The following PSMA1 variants were observed in gnomAD, a reference collection of about 807,000 sequenced individuals.
The protein encoded by PSMA1 is proteasome subunit alpha type-1.
Under a neutral mutation model 38.4 loss-of-function variants are expected in PSMA1, and 3 were observed. The observed-to-expected ratio is 0.08, with a 90% CI of 0.04 to 0.20. The LOEUF is 0.20. Ranked by LOEUF, PSMA1 falls within the 10% of genes least tolerant of loss-of-function variation. The pLI is 1.00. For synonymous variants in PSMA1, 101 were observed against 107.1 expected (o/e 0.94, Z 0.35); for missense variants, 227 against 325.3 (o/e 0.70, Z 2.32).
intron 2 of PSMA1, among the ~76,000 whole-genome samples, chr11:14,568,970 A>G (rs1490893981): frequency 6.6e-6 from 1 of 152,166 alleles, no homozygotes; most frequent in Non-Finnish European, 1.5e-5. Context: ...CTGGCCCATG[A>G]CACCATTTTT....
chr11:14,604,882 T>C (rs200674569), intron 2 of PSMA1, among the ~76,000 whole-genome samples: 1 of 152,212 alleles, frequency 6.6e-6, no homozygotes. Context: ...AGAACATGAG[T>C]TCATCCTTTT....
chr11:14,586,381 G>A lies in PSMA1; in HGVS notation c.21+24585C>T, dbSNP rs113308369. 6.6e-3 allele frequency among the ~76,000 whole-genome samples: 1,003 copies of A among 151,996 alleles called. 9 individuals are homozygous for A. Among genetic ancestry groups the A allele is most frequent in the African/African-American group, 0.023 (955 of 41,444 alleles). ...CGGGAGGCAGAGGCTGCAGTGAGCC[G>A]AGATCGTGCCATTGTACTCCAGCCT... On this transcript the variant is annotated intron_variant, in intron 2 of 10. Coordinates refer to the PSMA1 transcript ENST00000418988.
chr11:14,619,487 A>G (rs1852814891), intron 1 of PSMA1, among the ~76,000 whole-genome samples: 1 of 152,178 alleles, frequency 6.6e-6, no homozygotes, highest in Non-Finnish European at 1.5e-5. Flanking sequence ...GAGCTAAAAG[A>G]ATACACGAAG....
At chr11:14,629,566 T>C (rs1852970775) in intron 1 of PSMA1, among the ~76,000 whole-genome samples, 2 of 152,218 alleles carry the variant, frequency 1.3e-5, no homozygotes, top group Admixed American at 1.3e-4. Context: ...TTTTGGTTAG[T>C]GTAGCCTTGT....
intron 2 of PSMA1, among the ~76,000 whole-genome samples, chr11:14,527,403 A>G (rs976175204): frequency 6.6e-6 from 1 of 152,120 alleles, no homozygotes; most frequent in Non-Finnish European, 1.5e-5. Flanking sequence ...CTATTCTATC[A>G]TCATTTCATA....
At chr11:14,509,497 T>G (rs1363745497) in intron 8 of PSMA1, among the ~76,000 whole-genome samples, 9 of 151,700 alleles carry the variant, frequency 5.9e-5, no homozygotes, top group African/African-American at 1.5e-4. Context: ...ACAATCTGTT[T>G]TTTTTTTTTT....
At chr11:14,620,970 T>C (rs1432596834) in intron 1 of PSMA1, among the ~76,000 whole-genome samples, 2 of 152,220 alleles carry the variant, frequency 1.3e-5, no homozygotes, top group South Asian at 4.1e-4. Flanking sequence ...CACAGTATTA[T>C]ACAAGAAAAA....
intron 1 of PSMA1, among the ~76,000 whole-genome samples, chr11:14,633,786 T>C (rs538533663): frequency 3.0e-4 from 45 of 152,198 alleles, no homozygotes; most frequent in Admixed American, 2.7e-3. Context: ...TAGCAATCAG[T>C]GAGACTCTGT....
At chr11:14,627,049 G>GT (rs777975834) in intron 1 of PSMA1, among the ~76,000 whole-genome samples, 1 of 151,942 alleles carries the variant, frequency 6.6e-6, no homozygotes, top group Non-Finnish European at 1.5e-5. Flanking sequence ...GTCTTCATAA[G>GT]TTTTTTTTCT....
At chr11:14,528,810 C>T (rs936848087) in intron 2 of PSMA1, among the ~76,000 whole-genome samples, 1 of 152,110 alleles carries the variant, frequency 6.6e-6, no homozygotes, top group East Asian at 1.9e-4. Flanking sequence ...TAATCTCCCC[C>T]ACCCTTAAGA....
chr11:14,511,291 A>T (rs1301146435), intron 7 of PSMA1, among the ~76,000 whole-genome samples: 1 of 152,220 alleles, frequency 6.6e-6, no homozygotes, highest in Non-Finnish European at 1.5e-5. Context: ...CATTGTAAAA[A>T]GGAATCTCCA....
At chr11:14,587,948 A>G (rs1852368246) in intron 2 of PSMA1, among the ~76,000 whole-genome samples, 1 of 152,216 alleles carries the variant, frequency 6.6e-6, no homozygotes, top group Non-Finnish European at 1.5e-5. Context: ...ATTTAATTTA[A>G]TCAGCAACTT....
chr11:14,574,372 G>C (rs1222729564), intron 2 of PSMA1, among the ~76,000 whole-genome samples: 1 of 152,184 alleles, frequency 6.6e-6, no homozygotes, highest in Non-Finnish European at 1.5e-5. Flanking sequence ...CCAGGTACTT[G>C]GGCTGCTGCT....
chr11:14,561,373 T>C (rs1477214812), intron 2 of PSMA1, among the ~76,000 whole-genome samples: 2 of 152,216 alleles, frequency 1.3e-5, no homozygotes, highest in Non-Finnish European at 2.9e-5. Context: ...TGCCTGCTAA[T>C]GTGCCTGAAA....
intron 1 of PSMA1, among the ~76,000 whole-genome samples, chr11:14,633,241 T>C (rs1431230819): frequency 2.6e-5 from 4 of 151,658 alleles, no homozygotes; most frequent in South Asian, 2.1e-4. Context: ...AGTTTTTCTG[T>C]TCTGTTTTTT....
rs937449941 is a variant in PSMA1, at chr11:14,532,903, T to A, written c.22-13862A>T. On this transcript the variant is annotated intron_variant, in intron 2 of 10. Coordinates refer to the PSMA1 transcript ENST00000418988. The stretch of plus-strand genomic sequence containing the variant: ...CAAGACTCTGTCTCAAAAAAAAAAA[T>A]TTAAAAAAAATCTAAAAATAGCTGC... 4.3e-4 allele frequency among the ~76,000 whole-genome samples: 64 copies of A among 150,438 alleles called. 1 individual carries two copies. The highest frequency in any genetic ancestry group is 3.4e-3 in the Middle Eastern group (1 of 294).
intron 2 of PSMA1, among the ~76,000 whole-genome samples, chr11:14,553,403 A>C (rs973118664): frequency 1.3e-5 from 2 of 152,206 alleles, no homozygotes; most frequent in African/African-American, 4.8e-5. Flanking sequence ...ATGTAACAAC[A>C]GTAAAAGTCA....
intron 2 of PSMA1, among the ~76,000 whole-genome samples, chr11:14,577,638 T>G (rs1344416354): frequency 6.6e-6 from 1 of 152,212 alleles, no homozygotes; most frequent in African/African-American, 2.4e-5. Flanking sequence ...TTAACTTATT[T>G]ATTCCTCACA....
chr11:14,622,121 C>T (rs1380381929), intron 1 of PSMA1, among the ~76,000 whole-genome samples: 1 of 152,180 alleles, frequency 6.6e-6, no homozygotes, highest in Non-Finnish European at 1.5e-5. Flanking sequence ...TGCAGACTTT[C>T]AGGAGTTCGG....
Sources: allele counts gnomAD v4.1 joint callset (sites outside exome capture counted in the v4.1 genomes callset), GRCh38; gene constraint gnomAD v4.1.1; transcripts MANE v1.5; gene names NCBI Gene and HGNC (gene_info 2026-07-23, HGNC 2026-07-21).